TBCEL: variants seen among roughly 807,000 people sequenced by gnomAD.
TBCEL encodes the protein tubulin folding cofactor E like, also known as tubulin-specific chaperone cofactor E-like protein.
A neutral mutation model predicts 44.2 loss-of-function variants in TBCEL; 15 were observed. The ratio of observed to expected loss-of-function variants is 0.34; its 90% confidence interval spans 0.23 to 0.52. TBCEL has a LOEUF of 0.52. TBCEL is among the 20% of genes least tolerant of loss of function. The pLI is 0.95. For synonymous variants in TBCEL, 171 were observed against 185.4 expected (o/e 0.92, Z 0.63); for missense variants, 319 against 506.3 (o/e 0.63, Z 3.55).
chr11:121,087,487 G>T lies in TBCEL; in HGVS notation c.*391G>T. ...AGGGTCTCATAGAGAATTTAAACAG[G>T]GTGACAAGGAATCTTCACAGGAAGG... On this transcript the variant is annotated 3_prime_UTR_variant, in exon 9 of 9. Transcript: ENST00000683345. The T allele has an allele frequency of 6.1e-6, 1 of 163,426 alleles. No homozygotes were observed. Among genetic ancestry groups the T allele is most frequent in the Non-Finnish European group, 1.3e-5 (1 of 75,382 alleles). 10.1% of individuals were successfully genotyped at this position (163,426 alleles called of 1,614,324 possible).
chr11:121,072,965 T>A (rs1169670135), intron 8 of TBCEL, among the ~76,000 whole-genome samples: 5 of 152,164 alleles, frequency 3.3e-5, no homozygotes, highest in African/African-American at 1.2e-4. Context: ...TTATTTTTTG[T>A]ATGTATGCTT....
chr11:121,053,154 T>C (rs1038406866), intron 4 of TBCEL, among the ~76,000 whole-genome samples: 8 of 152,008 alleles, frequency 5.3e-5, no homozygotes, highest in African/African-American at 1.7e-4. Context: ...TTGCCAAGAA[T>C]GAGAGGAAGG....
rs75728503 is a variant in TBCEL, at chr11:121,025,410, A to C, written c.-126+1119A>C. 2.8e-3 allele frequency among the ~76,000 whole-genome samples: 425 copies of C among 152,334 alleles called. 4 individuals carry two copies. Among genetic ancestry groups the C allele is most frequent in the African/African-American group, 9.5e-3 (393 of 41,586 alleles). ...AGGGTGGTAGCTTTCAAACTTAAAA[A>C]AAAAAAAATTATGCCCCACAGTAAT... On this transcript the variant is annotated intron_variant, in intron 1 of 8. Transcript: ENST00000683345.
intron 6 of TBCEL, among the ~76,000 whole-genome samples, chr11:121,056,619 C>T (rs1401242797): frequency 6.6e-6 from 1 of 151,872 alleles, no homozygotes; most frequent in Admixed American, 6.6e-5. Flanking sequence ...AAGAGTTCCT[C>T]TTGCTCTACA....
At chr11:121,066,149 A>G (rs1435385706) in intron 8 of TBCEL, among the ~76,000 whole-genome samples, 2 of 152,368 alleles carry the variant, frequency 1.3e-5, no homozygotes, top group South Asian at 2.1e-4. Flanking sequence ...GTATCTCGCT[A>G]TACAAACAAT....
chr11:121,025,226 A>C (rs558765326), intron 1 of TBCEL, among the ~76,000 whole-genome samples: 1 of 152,302 alleles, frequency 6.6e-6, no homozygotes, highest in African/African-American at 2.4e-5. Context: ...TCAAGTCCAA[A>C]TACAGGCTGA....
intron 8 of TBCEL, among the ~76,000 whole-genome samples, chr11:121,074,300 T>A (rs1485338600): frequency 1.3e-5 from 2 of 152,040 alleles, no homozygotes; most frequent in Non-Finnish European, 2.9e-5. Context: ...ATTTGGCCCC[T>A]AGGCAGCCAC....
intron 2 of TBCEL, among the ~76,000 whole-genome samples, chr11:121,042,470 G>A (rs1256586579): frequency 6.6e-6 from 1 of 152,130 alleles, no homozygotes; most frequent in Non-Finnish European, 1.5e-5. Flanking sequence ...GACACACTCA[G>A]TGTTGGAATA....
chr11:121,079,899 C>G (rs1270103569), intron 8 of TBCEL, among the ~76,000 whole-genome samples: 1 of 152,134 alleles, frequency 6.6e-6, no homozygotes, highest in African/African-American at 2.4e-5. Context: ...ACTGCAACCT[C>G]CACCTCCCCG....
At position 121,031,574 on chromosome 11, in the gene TBCEL, G is replaced by T. The variant is rs115633780; in HGVS notation, c.-125-4931G>T. Among the ~76,000 whole-genome samples, 650 of 151,116 alleles carry T rather than the reference G, an allele frequency of 4.3e-3. 4 individuals are homozygous for T. Among genetic ancestry groups the T allele is most frequent in the African/African-American group, 0.015 (608 of 41,118 alleles). On this transcript the variant is annotated intron_variant, in intron 1 of 8. Coordinates refer to ENST00000683345, the MANE Select transcript of TBCEL (RefSeq NM_001363644.2). Reference sequence around the variant, plus strand: ...TAAGAGTTCTCTGTATTAGTTACACGTGTTGCAAGTATCTTTTTTCCAGTT... The same window carrying T: ...TAAGAGTTCTCTGTATTAGTTACACTTGTTGCAAGTATCTTTTTTCCAGTT...
At chr11:121,070,997 C>G (rs1945919974) in intron 8 of TBCEL, among the ~76,000 whole-genome samples, 1 of 152,138 alleles carries the variant, frequency 6.6e-6, no homozygotes, top group Admixed American at 6.5e-5. Context: ...TCAGAAAACA[C>G]ATCGTGAAGT....
intron 8 of TBCEL, among the ~76,000 whole-genome samples, chr11:121,075,290 G>A (rs1946012903): frequency 6.6e-6 from 1 of 151,918 alleles, no homozygotes. Flanking sequence ...GCAATGCAGT[G>A]GGGAAAAGAC....
At chr11:121,057,961 T>C (rs1591399520) in intron 6 of TBCEL, among the ~76,000 whole-genome samples, 1 of 151,882 alleles carries the variant, frequency 6.6e-6, no homozygotes, top group East Asian at 1.9e-4. Context: ...TTTTATTCCA[T>C]GAGTCTATAT....
intron 8 of TBCEL, among the ~76,000 whole-genome samples, chr11:121,069,816 G>C (rs182108870): frequency 6.6e-6 from 1 of 152,016 alleles, no homozygotes; most frequent in Non-Finnish European, 1.5e-5. Flanking sequence ...TAATAACTGG[G>C]AAGTAATGAT....
chr11:121,077,143 G>A lies in TBCEL; in HGVS notation c.957-9635G>A, dbSNP rs1007965712. On this transcript the variant is annotated intron_variant, in intron 8 of 8. Transcript: ENST00000683345. ...TGTCTTTGTCTTATTTTGATATCAG[G>A]GTAGTGCTGGCCTCATTTATAAGTG... 5.3e-5 allele frequency among the ~76,000 whole-genome samples: 8 copies of A among 151,858 alleles called. No individual in the cohort carries two copies. The East Asian group carries it at 1.3e-3, about 26-fold the overall frequency.
intron 1 of TBCEL, among the ~76,000 whole-genome samples, chr11:121,033,814 C>T (rs1208425845): frequency 6.6e-6 from 1 of 152,116 alleles, no homozygotes; most frequent in Admixed American, 6.5e-5. Context: ...TCTCCACTCC[C>T]CGTGCCCTCT....
intron 7 of TBCEL, 92 bp from the exon 8 acceptor site, chr11:121,059,877 A>G: frequency 2.3e-6 from 2 of 880,124 alleles, no homozygotes; most frequent in Middle Eastern, 3.2e-4. Context: ...CTTTCAAGAA[A>G]ATAAGACTGG....
chr11:121,056,683 GTA>G (rs1449240948), intron 6 of TBCEL, among the ~76,000 whole-genome samples: 2 of 151,682 alleles, frequency 1.3e-5, no homozygotes, highest in Non-Finnish European at 2.9e-5. Context: ...ATTCTAATAG[GTA>G]TATTGGGGTA....
rs1946243957 is a variant in TBCEL, at chr11:121,088,077, C to T, written c.*981C>T. The T allele has an allele frequency of 6.6e-6, 1 of 152,176 alleles. No individual in the cohort carries two copies. The highest frequency in any genetic ancestry group is 6.5e-5 in the Admixed American group (1 of 15,274). 9.4% of individuals were successfully genotyped at this position (152,176 alleles called of 1,614,324 possible). On this transcript the variant is annotated 3_prime_UTR_variant, in exon 9 of 9. Transcript: ENST00000683345. ...GGAGAGTTGAGAATTAGCTCATAAA[C>T]TATCTGTGGTGTGTGTGGGGAATGA...
Sources: allele counts gnomAD v4.1 joint callset (sites outside exome capture counted in the v4.1 genomes callset), GRCh38; gene constraint gnomAD v4.1.1; transcripts MANE v1.5; gene names NCBI Gene and HGNC (gene_info 2026-07-23, HGNC 2026-07-21).